The following PDE6A variants were observed in gnomAD, a reference collection of about 807,000 sequenced individuals.
PDE6A encodes phosphodiesterase 6A, also known as rod cGMP-specific 3',5'-cyclic phosphodiesterase subunit alpha.
PDE6A carries 84 observed loss-of-function variants against 106.3 expected under a neutral mutation model. That is an observed-to-expected ratio of 0.79 (90% CI 0.66 to 0.95). PDE6A has a LOEUF of 0.95. Among genes scored for constraint, PDE6A ranks in the 40% least tolerant of loss-of-function variants. The pLI, the probability that PDE6A is intolerant of heterozygous loss-of-function variation, is 0.00. For missense variants in PDE6A, 1,052 were observed against 1,084.9 expected (o/e 0.97, Z 0.43); for synonymous variants, 394 against 386.6 (o/e 1.02, Z -0.23).
intron 21 of PDE6A, among the ~76,000 whole-genome samples, chr5:149,861,381 G>A (rs1760134589): frequency 6.6e-6 from 1 of 152,250 alleles, no homozygotes; most frequent in Non-Finnish European, 1.5e-5. Context: ...CAGGCACAGG[G>A]CTCACGCCTG....
chr5:149,911,570 G>A (rs913653529), intron 6 of PDE6A, among the ~76,000 whole-genome samples: 5 of 152,108 alleles, frequency 3.3e-5, no homozygotes, highest in African/African-American at 9.7e-5. Flanking sequence ...GGCTAACAAC[G>A]ATCACACAAT....
rs917743004 is a variant in PDE6A at position 149,863,352 on chromosome 5, C to T, written c.2359-86G>A. The T allele has an allele frequency of 1.2e-5, 17 of 1,383,044 alleles. No individual in the cohort carries two copies. The highest frequency in any genetic ancestry group is 1.6e-5 in the Non-Finnish European group (16 of 977,726). 85.7% of individuals were successfully genotyped at this position (1,383,044 alleles called of 1,614,324 possible). Reference sequence around the variant, plus strand: ...GGGTGGCACAGCTGGAAACGTCCAACACTGGAATGAGCTGCTTCGGAGTAG... The same window carrying T: ...GGGTGGCACAGCTGGAAACGTCCAATACTGGAATGAGCTGCTTCGGAGTAG... On this transcript the variant is annotated intron_variant, in intron 20 of 21. Transcript: ENST00000255266. The surrounding 1 kb of genome is among the most constrained non-coding windows in gnomAD (Gnocchi z 4.7).
chr5:149,917,956 T>G (rs542380885), intron 5 of PDE6A, among the ~76,000 whole-genome samples: 1 of 152,294 alleles, frequency 6.6e-6, no homozygotes, highest in Admixed American at 6.5e-5. Context: ...GTCCTCTTCC[T>G]TTTCTATTAA....
intron 17 of PDE6A, among the ~76,000 whole-genome samples, chr5:149,882,564 G>A (rs1463201539): frequency 2.6e-5 from 4 of 151,912 alleles, no homozygotes; most frequent in Non-Finnish European, 5.9e-5. Context: ...AGCACACTGA[G>A]AAAACTGAAA....
intron 1 of PDE6A, among the ~76,000 whole-genome samples, chr5:149,941,714 C>A (rs1218416557): frequency 6.6e-6 from 1 of 152,082 alleles, no homozygotes; most frequent in Non-Finnish European, 1.5e-5. Flanking sequence ...TGATTTGTAC[C>A]CTTCAAAAAT....
At chr5:149,867,857 C>T (rs1760388584) in intron 18 of PDE6A, 58 bp from the exon 19 acceptor site, 1 of 1,483,276 alleles carries the variant, frequency 6.7e-7, no homozygotes, top group Admixed American at 1.7e-5. Flanking sequence ...ATCCCCTACC[C>T]CTGCTCCCAC....
intron 10 of PDE6A, among the ~76,000 whole-genome samples, chr5:149,897,765 T>C (rs772980743): frequency 6.6e-6 from 1 of 152,062 alleles, no homozygotes; most frequent in Non-Finnish European, 1.5e-5. Context: ...GGGGTTTTTT[T>C]TGGTAGAGAC....
intron 8 of PDE6A, 92 bp from the exon 9 acceptor site, chr5:149,899,616 C>A: frequency 1.6e-6 from 2 of 1,282,314 alleles, no homozygotes; most frequent in Non-Finnish European, 2.3e-6. Flanking sequence ...CCCTGATTGG[C>A]TGAGAGGAGG....
intron 3 of PDE6A, chr5:149,932,442 T>A: frequency 7.2e-7 from 1 of 1,397,788 alleles, no homozygotes; most frequent in East Asian, 2.3e-5. Flanking sequence ...CTGAATAAGG[T>A]CAAGATCTGC....
At chr5:149,921,448 C>G (rs1753718404) in intron 5 of PDE6A, among the ~76,000 whole-genome samples, 187 bp downstream of exon 5, 1 of 151,370 alleles carries the variant, frequency 6.6e-6, no homozygotes, top group South Asian at 2.1e-4. Context: ...CTTTTTTTCT[C>G]TCTGTTGTTT....
intron 13 of PDE6A, among the ~76,000 whole-genome samples, chr5:149,889,196 G>T (rs1168183576): frequency 2.6e-5 from 4 of 151,520 alleles, no homozygotes; most frequent in African/African-American, 9.7e-5. Flanking sequence ...ACTAGAACTT[G>T]GACCTCTCTT....
In PDE6A at chr5:149,892,635, C is replaced by T. The variant is rs545184773; in HGVS notation, c.1728+2548G>A. Among the ~76,000 whole-genome samples, 8 of 152,084 alleles carry T rather than the reference C, an allele frequency of 5.3e-5. No homozygotes were observed. In the South Asian group the frequency reaches 1.7e-3, roughly 32 times the overall value. On this transcript the variant is annotated intron_variant, in intron 13 of 21. Coordinates refer to ENST00000255266, the MANE Select transcript of PDE6A (RefSeq NM_000440.3). ...CTCCCTGAGTAGCTGGGACCACAGG[C>T]GTGCGCCACCATACCTGGCTAATTT...
Position 149,944,437 on chromosome 5 carries a change from G to A in PDE6A, c.237C>T (p.Phe79=). Residue 79 remains phenylalanine (F), a synonymous_variant, in exon 1 of 22, where the codon TTC becomes TTT. Coordinates refer to ENST00000255266, the MANE Select transcript of PDE6A (RefSeq NM_000440.3). ...GGAAGCACAGCTTCTTCATGACATT[G>A]AAGATGCATTTCTCTGTCTGTAAAT... ...QENLQTEKCI[F]NVMKKLCFLL... The A allele has an allele frequency of 6.2e-7, 1 of 1,614,110 alleles. No homozygotes were observed. The highest frequency in any genetic ancestry group is 8.5e-7 in the Non-Finnish European group (1 of 1,179,988).
At chr5:149,938,196 G>C (rs764030029) in intron 1 of PDE6A, among the ~76,000 whole-genome samples, 1 of 152,094 alleles carries the variant, frequency 6.6e-6, no homozygotes, top group Non-Finnish European at 1.5e-5. Flanking sequence ...TCAGTACATT[G>C]TCAGTAGTTG....
At chr5:149,910,817 T>A (rs1344181619) in intron 6 of PDE6A, among the ~76,000 whole-genome samples, 1 of 151,556 alleles carries the variant, frequency 6.6e-6, no homozygotes, top group Non-Finnish European at 1.5e-5. Flanking sequence ...CTATCTGACC[T>A]TCTGAGAAAT....
chr5:149,897,263 T>C (rs1752790353), intron 10 of PDE6A, among the ~76,000 whole-genome samples: 1 of 152,252 alleles, frequency 6.6e-6, no homozygotes, highest in Non-Finnish European at 1.5e-5. Flanking sequence ...ACTGTGTAAC[T>C]TGAGGCAAGT....
At chr5:149,911,199 G>T (rs1048480316) in intron 6 of PDE6A, among the ~76,000 whole-genome samples, 1 of 152,072 alleles carries the variant, frequency 6.6e-6, no homozygotes, top group Admixed American at 6.6e-5. Flanking sequence ...GTTTCAATTG[G>T]CATGATGATG....
In PDE6A at chr5:149,896,498, G is replaced by A. The variant is rs373624745; in HGVS notation, c.1478C>T (p.Ala493Val). The A allele has an allele frequency of 9.3e-6, 15 of 1,613,996 alleles. No homozygotes were observed. Among genetic ancestry groups the A allele is most frequent in the East Asian group, 2.2e-5 (1 of 44,888 alleles). Residue 493 changes from alanine (A) to valine (V), a missense_variant, in exon 12 of 22, where the codon GCG becomes GTG. Ala to Val is a moderately conservative substitution (Grantham distance 64, BLOSUM62 0). Around this residue, in one of 3 missense-constraint regions of PDE6A, gnomAD observed 913 missense variants for 915.2 expected, o/e 1.00. Transcript: ENST00000255266. Reference sequence around the variant, plus strand: ...GTATTTATCTGCATCTGGCAGCTCCGCTTGCTGTATAAGGAATAGAGTCAG... The same window carrying A: ...GTATTTATCTGCATCTGGCAGCTCCACTTGCTGTATAAGGAATAGAGTCAG... ...EEEELAEILQ[A>V]ELPDADKYEI...
Position 149,860,967 on chromosome 5 carries a change from G to A in PDE6A, c.2511C>T (p.Ala837=), listed in dbSNP as rs755796767. The A allele has an allele frequency of 5.8e-5, 94 of 1,613,806 alleles. 1 individual carries two copies. The South Asian group carries it at 5.9e-4, about 10-fold the overall frequency. ...GGTTTCCCCCCGGCTGATTTCCTGC[G>A]GCTGCTGCAATGAAACAGGAAAAAG... The part of the protein sequence containing the change: ...KQKQQSAKSA[A]AGNQPGGNPS... Residue 837 remains alanine, a synonymous_variant, in exon 22 of 22, where the codon GCC becomes GCT. Transcript: ENST00000255266.
Sources: gnomAD v4.1 joint callset for allele counts (sites outside exome capture counted in the v4.1 genomes callset) on GRCh38, gnomAD v4.1.1 for gene constraint, gnomAD v4.1.1 regional missense constraint, Gnocchi (gnomAD v3.1) non-coding constraint, MANE v1.5 for transcripts, NCBI Gene and HGNC (gene_info 2026-07-23, HGNC 2026-07-21) for gene names.